Variants in CPA6 observed in about 807,000 individuals in gnomAD.
CPA6 encodes the protein carboxypeptidase B.
In CPA6, 58 loss-of-function variants were observed where a neutral mutation model predicts 63.3. The observed-to-expected ratio is 0.92, with a 90% CI of 0.74 to 1.14. CPA6 has a LOEUF of 1.14. CPA6 is among the 50% of genes most tolerant of loss of function. The pLI is 0.00. For synonymous variants in CPA6, 185 were observed against 179.0 expected (o/e 1.03, Z -0.27); for missense variants, 565 against 526.6 (o/e 1.07, Z -0.71).
chr8:67,710,342 A>G (rs1817229603), intron 1 of CPA6, among the ~76,000 whole-genome samples: 3 of 152,034 alleles, frequency 2.0e-5, no homozygotes, highest in Non-Finnish European at 1.5e-5. Context: ...TCTCTCTTAG[A>G]TCTGGGAAAG....
At chr8:67,701,707 T>C (rs1489272924) in intron 1 of CPA6, among the ~76,000 whole-genome samples, 1 of 152,198 alleles carries the variant, frequency 6.6e-6, no homozygotes, top group African/African-American at 2.4e-5. Flanking sequence ...AATTACTTTA[T>C]GCACAGACCA....
At chr8:67,490,087 C>A (rs945146165) in intron 6 of CPA6, among the ~76,000 whole-genome samples, 2 of 152,118 alleles carry the variant, frequency 1.3e-5, no homozygotes, top group East Asian at 3.9e-4. Context: ...ATCATCACGA[C>A]GTGATGACTG....
At chr8:67,460,925 G>T (rs1810785583) in intron 8 of CPA6, among the ~76,000 whole-genome samples, 1 of 152,118 alleles carries the variant, frequency 6.6e-6, no homozygotes, top group South Asian at 2.1e-4. Context: ...ACTTGGTGTT[G>T]ATTAGACTAG....
chr8:67,490,268 G>T (rs1221459395), intron 6 of CPA6, among the ~76,000 whole-genome samples: 1 of 152,154 alleles, frequency 6.6e-6, no homozygotes, highest in Non-Finnish European at 1.5e-5. Flanking sequence ...GAACACAGGG[G>T]TGTGCTTTTC....
chr8:67,580,914 G>A (rs961732351), intron 2 of CPA6, among the ~76,000 whole-genome samples: 1 of 152,094 alleles, frequency 6.6e-6, no homozygotes, highest in Admixed American at 6.5e-5. Context: ...TAGTTTTATG[G>A]CCCTGAAGTA....
chr8:67,547,069 T>C (rs1311039487), intron 2 of CPA6, among the ~76,000 whole-genome samples: 1 of 152,068 alleles, frequency 6.6e-6, no homozygotes, highest in Non-Finnish European at 1.5e-5. Context: ...TTTTGTGAGA[T>C]GGAGTCTCGC....
At chr8:67,703,945 T>C (rs1436034232) in intron 1 of CPA6, among the ~76,000 whole-genome samples, 1 of 152,140 alleles carries the variant, frequency 6.6e-6, no homozygotes, top group East Asian at 1.9e-4. Context: ...GTTGTTGTTG[T>C]TGTTTTTGTT....
chr8:67,647,781 G>C (rs2380435), intron 1 of CPA6, among the ~76,000 whole-genome samples: 42,355 of 152,072 alleles, frequency 0.28, 6,047 homozygotes, highest in African/African-American at 0.34. Context: ...TGTACCTGGA[G>C]AGACTTTTGT....
chr8:67,552,495 C>A (rs986074635), intron 2 of CPA6, among the ~76,000 whole-genome samples: 3 of 151,984 alleles, frequency 2.0e-5, no homozygotes, highest in Non-Finnish European at 4.4e-5. Flanking sequence ...AAATGATGGC[C>A]GGGCACGGTG....
At chr8:67,648,540 T>C (rs1815766824) in intron 1 of CPA6, among the ~76,000 whole-genome samples, 1 of 152,172 alleles carries the variant, frequency 6.6e-6, no homozygotes. Context: ...TGGTAGCCTC[T>C]GCTGGCAAGA....
At chr8:67,587,803 G>C (rs562985174) in intron 2 of CPA6, among the ~76,000 whole-genome samples, 1 of 152,156 alleles carries the variant, frequency 6.6e-6, no homozygotes, top group African/African-American at 2.4e-5. Flanking sequence ...TGGTGAATTC[G>C]AGGATGGTTT....
intron 1 of CPA6, among the ~76,000 whole-genome samples, chr8:67,718,063 T>C (rs1388549967): frequency 6.6e-6 from 1 of 152,142 alleles, no homozygotes; most frequent in African/African-American, 2.4e-5. Flanking sequence ...TGACATTCAT[T>C]ATGTTTTGCC....
At chr8:67,593,745 T>A (rs1814206495) in intron 2 of CPA6, among the ~76,000 whole-genome samples, 1 of 150,114 alleles carries the variant, frequency 6.7e-6, no homozygotes, top group South Asian at 2.2e-4. Context: ...TTGGTAGATC[T>A]TCCTCCATCC....
In CPA6 at chr8:67,422,333, T is replaced by A. The variant is rs1809781332; in HGVS notation, c.*171A>T. On this transcript the variant is annotated 3_prime_UTR_variant, in exon 11 of 11. Transcript: ENST00000297770. ...TCTTATAACAAACTAGGCTATGCCCTGTTTTTTACTGTTTTCTATTGCCAC... is the reference window on the plus strand; with the variant it reads ...TCTTATAACAAACTAGGCTATGCCCAGTTTTTTACTGTTTTCTATTGCCAC... 2.1e-6 allele frequency: 1 copy of A among 486,838 alleles called. No individual in the cohort carries two copies. The highest frequency in any genetic ancestry group is 1.9e-5 in the African/African-American group (1 of 52,422). The allele number at this position is 486,838 out of a possible 1,614,324, so 30.2% of individuals were successfully genotyped here.
intron 2 of CPA6, among the ~76,000 whole-genome samples, chr8:67,544,079 C>G (rs915538180): frequency 6.6e-6 from 1 of 152,188 alleles, no homozygotes; most frequent in African/African-American, 2.4e-5. Context: ...TAAGCCACGG[C>G]ATCCAGCCTC....
At chr8:67,741,234 T>TA (rs1370107466) in intron 1 of CPA6, among the ~76,000 whole-genome samples, 1 of 152,162 alleles carries the variant, frequency 6.6e-6, no homozygotes, top group African/African-American at 2.4e-5. Context: ...AGTAGATTAA[T>TA]ACGAGCATAT....
chr8:67,659,379 T>C (rs1336647120), intron 1 of CPA6, among the ~76,000 whole-genome samples: 3 of 152,226 alleles, frequency 2.0e-5, no homozygotes, highest in Non-Finnish European at 4.4e-5. Flanking sequence ...TATGCGTAAC[T>C]CAGCACTACA....
At chr8:67,713,710 C>T (rs993644835) in intron 1 of CPA6, among the ~76,000 whole-genome samples, 4 of 152,194 alleles carry the variant, frequency 2.6e-5, no homozygotes, top group Non-Finnish European at 5.9e-5. Context: ...TAGCATTTGA[C>T]ACAGTGAGCA....
rs55676882 is a variant in CPA6 at position 67,692,328 on chromosome 8, CAAAAAAAAA to C, written c.116+53677_116+53685del. Among the ~76,000 whole-genome samples, 48 of 89,974 alleles carry C rather than the reference CAAAAAAAAA, an allele frequency of 5.3e-4. 2 individuals carry two copies. In the South Asian group the frequency reaches 0.013, roughly 25 times the overall value. The allele number at this position is 89,974 out of a possible 152,430, so 59.0% of individuals were successfully genotyped here. On this transcript the variant is annotated intron_variant, in intron 1 of 10. Transcript: ENST00000297770. The stretch of plus-strand genomic sequence containing the variant: ...GGGCAACAAGAGTGAAATCCTGTCT[CAAAAAAAAA>C]AAAAAAAAAAAAAAGAACAAGAGAT...
Sources: gnomAD v4.1 joint callset for allele counts (sites outside exome capture counted in the v4.1 genomes callset) on GRCh38, gnomAD v4.1.1 for gene constraint, MANE v1.5 for transcripts, NCBI Gene and HGNC (gene_info 2026-07-23, HGNC 2026-07-21) for gene names.